CEP70: variants seen among roughly 807,000 people sequenced by gnomAD.
CEP70 encodes centrosomal protein of 70 kDa.
CEP70 carries 70 observed loss-of-function variants against 90.9 expected under a neutral mutation model. The observed-to-expected ratio is 0.77, with a 90% CI of 0.64 to 0.94. The LOEUF (loss-of-function observed/expected upper bound fraction) is 0.94, where lower values mean the gene tolerates loss of function less well. CEP70 is among the 40% of genes least tolerant of loss of function. The probability of loss-of-function intolerance (pLI) is 0.00; values close to 1 mark genes in which losing one functional copy is unlikely to be tolerated. For synonymous variants in CEP70, 220 were observed against 228.3 expected, an observed-to-expected ratio of 0.96 and a Z score of 0.33; for missense variants, 648 against 669.0, an observed-to-expected ratio of 0.97 and a Z score of 0.35.
At chr3:138,511,708 T>C (rs982833672) in intron 11 of CEP70, among the ~76,000 whole-genome samples, 1 of 152,222 alleles carries the variant, frequency 6.6e-6, no homozygotes, top group African/African-American at 2.4e-5. Context: ...GGGAGCCTAA[T>C]GATGATAACT....
intron 6 of CEP70, among the ~76,000 whole-genome samples, chr3:138,560,210 G>C (rs1427838681): frequency 1.3e-5 from 2 of 152,150 alleles, no homozygotes; most frequent in East Asian, 3.9e-4. Context: ...GCCCACAGAG[G>C]GCAAACCGAA....
intron 6 of CEP70, 105 bp downstream of exon 6, chr3:138,570,213 A>T (rs562627584): frequency 2.9e-6 from 2 of 699,096 alleles, no homozygotes; most frequent in East Asian, 3.2e-5. Context: ...TGATAAGCCA[A>T]AAAAGGTAAA....
chr3:138,499,559 A>G (rs190895255), intron 16 of CEP70, among the ~76,000 whole-genome samples: 39 of 152,292 alleles, frequency 2.6e-4, no homozygotes, highest in Admixed American at 2.2e-3. Flanking sequence ...AGGCCTTACA[A>G]TCTATTTTTA....
chr3:138,559,656 C>T lies in CEP70; in HGVS notation c.465+10662G>A, dbSNP rs142517417. ...GGGAGGATCACTTGATCCCAGGAGG[C>T]GGAGGGTGCAGTGAGCCAAGCTTGT... is the stretch of plus-strand genomic sequence containing the variant. On this transcript the variant is annotated intron_variant, in intron 6 of 17. Transcript: ENST00000264982. Among the ~76,000 whole-genome samples, 45 of 152,174 alleles carry T rather than the reference C, an allele frequency of 3.0e-4. 1 individual carries two copies. The East Asian group carries it at 7.0e-3, about 24-fold the overall frequency.
intron 1 of CEP70, 152 bp downstream of exon 1, chr3:138,594,046 G>A (rs1005233788): frequency 2.0e-5 from 3 of 152,336 alleles, no homozygotes; most frequent in African/African-American, 7.2e-5. Flanking sequence ...AAACCCTTAC[G>A]CAGGGATTTT....
intron 6 of CEP70, among the ~76,000 whole-genome samples, chr3:138,568,733 C>T (rs1425241097): frequency 1.3e-5 from 2 of 152,058 alleles, no homozygotes; most frequent in Non-Finnish European, 2.9e-5. Flanking sequence ...ATAATCTCAG[C>T]ACTTTGGGAG....
intron 6 of CEP70, among the ~76,000 whole-genome samples, chr3:138,541,802 G>A (rs1218576412): frequency 3.3e-5 from 5 of 152,146 alleles, no homozygotes; most frequent in African/African-American, 1.2e-4. Flanking sequence ...CAGGCAGATT[G>A]CTTGAGCTCA....
chr3:138,511,979 A>C (rs2035578683), intron 11 of CEP70, among the ~76,000 whole-genome samples: 1 of 152,228 alleles, frequency 6.6e-6, no homozygotes, highest in Non-Finnish European at 1.5e-5. Context: ...CTTACAACTG[A>C]TGTAGCTTTA....
At chr3:138,579,503 T>C (rs1012780252) in intron 2 of CEP70, among the ~76,000 whole-genome samples, 1 of 151,630 alleles carries the variant, frequency 6.6e-6, no homozygotes, top group Non-Finnish European at 1.5e-5. Context: ...GAGGACTTTG[T>C]CTTGCAACTC....
chr3:138,495,417 A>C (rs530746447), intron 17 of CEP70, among the ~76,000 whole-genome samples: 1 of 152,328 alleles, frequency 6.6e-6, no homozygotes, highest in South Asian at 2.1e-4. Flanking sequence ...ACACGGGTGC[A>C]TCTACATGAT....
intron 2 of CEP70, among the ~76,000 whole-genome samples, chr3:138,580,318 A>C (rs940409465): frequency 6.6e-6 from 1 of 152,106 alleles, no homozygotes; most frequent in Non-Finnish European, 1.5e-5. Flanking sequence ...GCAGCTCAGC[A>C]CAGAGAGACT....
At chr3:138,496,429 A>G in intron 17 of CEP70, 1 of 985,424 alleles carries the variant, frequency 1.0e-6, no homozygotes, top group South Asian at 4.7e-5. Context: ...TTTGTTTACA[A>G]TTCCCTTACA....
intron 6 of CEP70, among the ~76,000 whole-genome samples, chr3:138,552,069 C>A (rs999254811): frequency 2.6e-5 from 4 of 152,112 alleles, no homozygotes; most frequent in Non-Finnish European, 4.4e-5. Flanking sequence ...AGTTAAAAAA[C>A]AGACAAACAG....
At chr3:138,589,581 C>T (rs1179294332) in intron 2 of CEP70, among the ~76,000 whole-genome samples, 1 of 151,850 alleles carries the variant, frequency 6.6e-6, no homozygotes, top group Non-Finnish European at 1.5e-5. Context: ...CTGCTTGAAC[C>T]CAGGAGGTGG....
At chr3:138,521,315 G>A (rs1204079048) in intron 11 of CEP70, among the ~76,000 whole-genome samples, 1 of 151,820 alleles carries the variant, frequency 6.6e-6, no homozygotes, top group Non-Finnish European at 1.5e-5. Flanking sequence ...CCCAGTCTGG[G>A]AAGTGAGGAG....
intron 6 of CEP70, among the ~76,000 whole-genome samples, chr3:138,565,533 C>T (rs1331829835): frequency 6.6e-6 from 1 of 152,082 alleles, no homozygotes; most frequent in Non-Finnish European, 1.5e-5. Context: ...GAAATGACAC[C>T]ACACATCTAC....
intron 11 of CEP70, among the ~76,000 whole-genome samples, chr3:138,524,383 A>T (rs1251794553): frequency 1.3e-5 from 2 of 152,180 alleles, no homozygotes; most frequent in Non-Finnish European, 2.9e-5. Context: ...ATGGGATCTA[A>T]TTAAACTAAA....
intron 6 of CEP70, among the ~76,000 whole-genome samples, chr3:138,553,618 TAAAG>T (rs1430828246): frequency 3.3e-5 from 5 of 151,938 alleles, no homozygotes; most frequent in Admixed American, 6.6e-5. Flanking sequence ...AATCATTCTA[TAAAG>T]AAAGTATCAC....
chr3:138,590,194 A>C (rs1309161744), intron 2 of CEP70, among the ~76,000 whole-genome samples: 10 of 152,154 alleles, frequency 6.6e-5, no homozygotes, highest in Admixed American at 6.5e-4. Context: ...TGATACTGTC[A>C]TATGTATAAT....
Sources: allele counts gnomAD v4.1 joint callset (sites outside exome capture counted in the v4.1 genomes callset), GRCh38; gene constraint gnomAD v4.1.1; transcripts MANE v1.5; gene names NCBI Gene and HGNC (gene_info 2026-07-23, HGNC 2026-07-21).